Variants in ATXN1 observed in about 807,000 individuals in gnomAD.
ATXN1 encodes the protein ataxin 1, also known as ataxin-1.
A neutral mutation model predicts 56.4 loss-of-function variants in ATXN1; 8 were observed. The observed-to-expected ratio is 0.14, with a 90% CI of 0.08 to 0.26. The LOEUF is 0.26. ATXN1 is among the 10% of genes least tolerant of loss of function. The probability of loss-of-function intolerance (pLI) is 1.00; values close to 1 mark genes in which losing one functional copy is unlikely to be tolerated. For synonymous variants in ATXN1, 514 were observed against 494.6 expected, an observed-to-expected ratio of 1.04 and a Z score of -0.52; for missense variants, 987 against 1,106.5, an observed-to-expected ratio of 0.89 and a Z score of 1.53.
At chr6:16,388,141 G>A (rs1758278611) in intron 6 of ATXN1, among the ~76,000 whole-genome samples, 3 of 152,118 alleles carry the variant, frequency 2.0e-5, no homozygotes, top group Admixed American at 1.3e-4. Context: ...CCGAGAAGCC[G>A]GGGCAGAGCC....
At chr6:16,396,517 CA>C (rs1758462592) in intron 6 of ATXN1, among the ~76,000 whole-genome samples, 1 of 152,064 alleles carries the variant, frequency 6.6e-6, no homozygotes, top group Non-Finnish European at 1.5e-5. Context: ...TGAAAGTTAT[CA>C]AAAAGTTTTT....
intron 4 of ATXN1, among the ~76,000 whole-genome samples, chr6:16,562,794 A>G (rs1268028093): frequency 1.3e-5 from 2 of 152,048 alleles, no homozygotes; most frequent in Non-Finnish European, 2.9e-5. Flanking sequence ...GAATAGAGAA[A>G]TGGAAATTGC....
intron 2 of ATXN1, among the ~76,000 whole-genome samples, chr6:16,731,466 T>C (rs1007232271): frequency 1.2e-4 from 12 of 101,338 alleles, no homozygotes; most frequent in Admixed American, 1.8e-4. Flanking sequence ...TTTTTTTTTT[T>C]TTTTTTTTTT....
rs111241295 is a variant in ATXN1 at position 16,399,144 on chromosome 6, T to G, written c.-160-70674A>C. Among the ~76,000 whole-genome samples, 454 of 152,360 alleles carry G rather than the reference T, an allele frequency of 3.0e-3. 3 individuals are homozygous for G. Among genetic ancestry groups the G allele is most frequent in the African/African-American group, 0.01 (420 of 41,582 alleles). ...AGGATTTTTGAGATTGTCAATGGAC[T>G]GACCTTGTGGCTGGAAAACATTTTG... On this transcript the variant is annotated intron_variant, in intron 6 of 7. Transcript: ENST00000436367.
intron 3 of ATXN1, among the ~76,000 whole-genome samples, chr6:16,598,440 A>G (rs1762855912): frequency 6.6e-6 from 1 of 152,264 alleles, no homozygotes; most frequent in Non-Finnish European, 1.5e-5. Flanking sequence ...ATCAAAGCCG[A>G]GTATTGATCC....
At chr6:16,507,484 T>C (rs1005493385) in intron 5 of ATXN1, among the ~76,000 whole-genome samples, 2 of 152,210 alleles carry the variant, frequency 1.3e-5, no homozygotes, top group African/African-American at 2.4e-5. Flanking sequence ...TATTAGTGTT[T>C]AAGGGCTTTT....
chr6:16,348,512 A>G (rs1384242003), intron 6 of ATXN1, among the ~76,000 whole-genome samples: 1 of 152,080 alleles, frequency 6.6e-6, no homozygotes, highest in Non-Finnish European at 1.5e-5. Context: ...CAGCCTGGTC[A>G]ATGTGGCAAA....
At chr6:16,673,679 CCT>C (rs1758594113) in intron 2 of ATXN1, among the ~76,000 whole-genome samples, 2 of 152,096 alleles carry the variant, frequency 1.3e-5, no homozygotes, top group Non-Finnish European at 2.9e-5. Context: ...TCAAGAGACC[CCT>C]GACTCTGCTG....
Position 16,326,436 on chromosome 6 carries a change from G to T in ATXN1, c.1875C>A (p.Gly625=), listed in dbSNP as rs200925094. Residue 625 remains glycine (G), a synonymous_variant, in exon 7 of 8, where the codon GGC becomes GGA. Transcript: ENST00000436367. The surrounding 1 kb of genome is among the most constrained non-coding windows in gnomAD (Gnocchi z 6.6). ...CGACGGCGAACTGTATCACGGCCACGCCCGGGCTATGGCTGTCTTCAATCC... is the reference window on the plus strand; with the variant it reads ...CGACGGCGAACTGTATCACGGCCACTCCCGGGCTATGGCTGTCTTCAATCC... ...VERIEDSHSP[G]VAVIQFAVGE... The T allele has an allele frequency of 2.5e-6, 4 of 1,613,888 alleles. No homozygotes were observed. The highest frequency in any genetic ancestry group is 3.4e-6 in the Non-Finnish European group (4 of 1,179,976).
At chr6:16,613,846 T>C (rs1327343819) in intron 3 of ATXN1, among the ~76,000 whole-genome samples, 13 of 151,904 alleles carry the variant, frequency 8.6e-5, no homozygotes, top group Non-Finnish European at 2.9e-5. Flanking sequence ...TAAAATAATA[T>C]AAATAGAAAT....
intron 3 of ATXN1, among the ~76,000 whole-genome samples, chr6:16,647,872 T>G (rs2113827409): frequency 6.6e-6 from 1 of 152,202 alleles, no homozygotes; most frequent in Middle Eastern, 3.4e-3. Flanking sequence ...GGTCAGGAGT[T>G]TGAGGCCATC....
At chr6:16,761,125 T>A (rs1761086388) in intron 1 of ATXN1, 173 bp downstream of exon 1, 1 of 365,728 alleles carries the variant, frequency 2.7e-6, no homozygotes, top group Non-Finnish European at 5.4e-6. Flanking sequence ...TTTCCTTCGC[T>A]CCTCTTCCAG....
intron 5 of ATXN1, among the ~76,000 whole-genome samples, chr6:16,498,429 G>A (rs555358449): frequency 1.3e-5 from 2 of 152,142 alleles, no homozygotes; most frequent in Non-Finnish European, 2.9e-5. Context: ...GGGCTACTAT[G>A]AATCATGCTG....
intron 3 of ATXN1, among the ~76,000 whole-genome samples, chr6:16,641,883 C>CAT (rs1235830975): frequency 2.0e-5 from 3 of 152,174 alleles, no homozygotes; most frequent in Non-Finnish European, 4.4e-5. Flanking sequence ...AAAATATCAA[C>CAT]ATGAACATCA....
chr6:16,753,376 G>A (rs1287624454), intron 1 of ATXN1, 29 bp from the exon 2 acceptor site: 1 of 456,334 alleles, frequency 2.2e-6, no homozygotes, highest in Non-Finnish European at 4.4e-6. Flanking sequence ...TGCAGGAGAG[G>A]AAATCCAAAA....
At chr6:16,511,889 T>G (rs1475646670) in intron 5 of ATXN1, among the ~76,000 whole-genome samples, 1 of 152,224 alleles carries the variant, frequency 6.6e-6, no homozygotes, top group African/African-American at 2.4e-5. Flanking sequence ...GCCACCGCCC[T>G]GCCTTAGTGG....
At chr6:16,442,600 A>G (rs998880885) in intron 6 of ATXN1, among the ~76,000 whole-genome samples, 2 of 152,216 alleles carry the variant, frequency 1.3e-5, no homozygotes, top group Non-Finnish European at 2.9e-5. Flanking sequence ...AGAGAAGAAA[A>G]TAAGAAAGAA....
chr6:16,532,805 A>T (rs573643862), intron 4 of ATXN1, among the ~76,000 whole-genome samples: 4 of 152,348 alleles, frequency 2.6e-5, no homozygotes, highest in African/African-American at 9.6e-5. Flanking sequence ...AAAATGGTAC[A>T]GCTGCTGTGA....
chr6:16,347,191 A>AG (rs901418018), intron 6 of ATXN1, among the ~76,000 whole-genome samples: 2 of 152,210 alleles, frequency 1.3e-5, no homozygotes, highest in African/African-American at 4.8e-5. Flanking sequence ...CACAGCGCCC[A>AG]GTCCCATCGA....
Sources: allele counts gnomAD v4.1 joint callset (sites outside exome capture counted in the v4.1 genomes callset), GRCh38; gene constraint gnomAD v4.1.1; non-coding constraint Gnocchi (gnomAD v3.1); transcripts MANE v1.5; gene names NCBI Gene and HGNC (gene_info 2026-07-23, HGNC 2026-07-21).